The following TRHDE variants were observed in gnomAD, a reference collection of about 807,000 sequenced individuals.
TRHDE encodes the protein thyrotropin-releasing hormone-degrading ectoenzyme.
A neutral mutation model predicts 125.7 loss-of-function variants in TRHDE; 72 were observed. The observed-to-expected ratio is 0.57, with a 90% confidence interval of 0.47 to 0.70. TRHDE has a LOEUF of 0.70. Ranked by LOEUF, TRHDE falls within the 30% of genes least tolerant of loss-of-function variation. The pLI is 0.00. For synonymous variants in TRHDE, 509 were observed against 509.1 expected (o/e 1.00, Z 0.00); for missense variants, 1,110 against 1,327.1 (o/e 0.84, Z 2.54).
chr12:72,348,687 C>T (rs1315930736), intron 2 of TRHDE, among the ~76,000 whole-genome samples: 1 of 151,912 alleles, frequency 6.6e-6, no homozygotes, highest in African/African-American at 2.4e-5. Flanking sequence ...AGTTAATATA[C>T]TATTTTCTTA....
intron 3 of TRHDE, among the ~76,000 whole-genome samples, chr12:72,409,419 C>T (rs894528766): frequency 6.6e-6 from 1 of 152,172 alleles, no homozygotes; most frequent in African/African-American, 2.4e-5. Flanking sequence ...ATCAGTTTTT[C>T]TGGCTTCTTC....
chr12:72,139,210 G>A (rs1189487803), intron 2 of TRHDE, among the ~76,000 whole-genome samples: 2 of 151,882 alleles, frequency 1.3e-5, no homozygotes, highest in African/African-American at 4.8e-5. Context: ...AAATACAAAT[G>A]AAAATGCTGG....
intron 4 of TRHDE, among the ~76,000 whole-genome samples, 177 bp downstream of exon 4, chr12:72,470,089 AC>A (rs1876569902): frequency 6.6e-6 from 1 of 152,214 alleles, no homozygotes; most frequent in South Asian, 2.1e-4. Flanking sequence ...ATAAACAAAA[AC>A]AAACACACTG....
At chr12:72,374,983 A>G (rs766213339) in intron 2 of TRHDE, among the ~76,000 whole-genome samples, 1 of 152,152 alleles carries the variant, frequency 6.6e-6, no homozygotes, top group African/African-American at 2.4e-5. Flanking sequence ...TTATCTGGAA[A>G]CCATAGCTGG....
intron 2 of TRHDE, among the ~76,000 whole-genome samples, chr12:72,299,513 A>G (rs183270589): frequency 3.6e-4 from 55 of 152,324 alleles, no homozygotes; most frequent in African/African-American, 9.4e-4. Context: ...TCTTAAAACC[A>G]TAGAAAAACA....
Position 72,664,263 on chromosome 12 carries a change from CTTGT to C in TRHDE, c.*1075_*1078del, listed in dbSNP as rs572963911. 1.5e-3 allele frequency: 223 copies of C among 152,572 alleles called. No homozygotes were observed. The highest frequency in any genetic ancestry group is 5.2e-3 in the African/African-American group (216 of 41,536). 9.5% of individuals were successfully genotyped at this position (152,572 alleles called of 1,614,324 possible). On this transcript the variant is annotated 3_prime_UTR_variant, in exon 19 of 19. Transcript: ENST00000261180. The stretch of plus-strand genomic sequence containing the variant: ...TGCTGAAAAAGAGTTTATTTTCCAT[CTTGT>C]TTGTTTTCCTACCTTATGCTGAGTA...
intron 3 of TRHDE, among the ~76,000 whole-genome samples, chr12:72,404,591 C>T (rs1442230071): frequency 6.6e-6 from 1 of 152,192 alleles, no homozygotes; most frequent in Non-Finnish European, 1.5e-5. Context: ...AAACATCTTA[C>T]ATGGTGGCTG....
chr12:72,424,849 A>G (rs886239348), intron 3 of TRHDE, among the ~76,000 whole-genome samples: 9 of 152,300 alleles, frequency 5.9e-5, no homozygotes, highest in African/African-American at 1.9e-4. Context: ...AGTATTTAGT[A>G]AAAGAATGCT....
chr12:72,293,756 G>A (rs116822805), intron 2 of TRHDE, among the ~76,000 whole-genome samples: 2,499 of 152,290 alleles, frequency 0.016, 64 homozygotes, highest in African/African-American at 0.057. Context: ...CTGGGAACCT[G>A]TGGCCAATGG....
At chr12:72,586,533 T>G (rs908859207) in intron 12 of TRHDE, among the ~76,000 whole-genome samples, 4 of 152,188 alleles carry the variant, frequency 2.6e-5, no homozygotes, top group African/African-American at 9.7e-5. Flanking sequence ...AACGCTTGCT[T>G]AATGTTAAAG....
chr12:72,294,379 C>T (rs1005905173), intron 2 of TRHDE, among the ~76,000 whole-genome samples: 4 of 151,798 alleles, frequency 2.6e-5, no homozygotes, highest in African/African-American at 4.8e-5. Flanking sequence ...TGGTGGGGGG[C>T]GGTGGGGCGG....
rs938075905 is a variant in TRHDE at position 72,368,494 on chromosome 12, C to G, written c.1189-9501C>G. On this transcript the variant is annotated intron_variant, in intron 2 of 18. Coordinates refer to ENST00000261180, the MANE Select transcript of TRHDE (RefSeq NM_013381.3). Reference sequence around the variant, plus strand: ...CTCATGGGACTCTGACCTTGTTCCGCTGAGTCACCATCTCTTTAGATAGAA... The same window carrying G: ...CTCATGGGACTCTGACCTTGTTCCGGTGAGTCACCATCTCTTTAGATAGAA... Among the ~76,000 whole-genome samples the G allele has an allele frequency of 9.2e-5, 14 of 152,174 alleles. No individual in the cohort carries two copies. The South Asian group carries it at 2.7e-3, about 29-fold the overall frequency.
At chr12:72,628,724 T>G (rs1873360475) in intron 15 of TRHDE, among the ~76,000 whole-genome samples, 1 of 151,912 alleles carries the variant, frequency 6.6e-6, no homozygotes, top group South Asian at 2.1e-4. Flanking sequence ...GAATTTATCC[T>G]ATTGTGAATT....
intron 15 of TRHDE, among the ~76,000 whole-genome samples, chr12:72,651,862 A>G (rs1486740054): frequency 6.6e-6 from 1 of 151,974 alleles, no homozygotes; most frequent in Non-Finnish European, 1.5e-5. Context: ...TGAGAAAATT[A>G]CTGATAGAGA....
chr12:72,312,560 T>C (rs1370384781), intron 2 of TRHDE, among the ~76,000 whole-genome samples: 1 of 152,172 alleles, frequency 6.6e-6, no homozygotes, highest in Non-Finnish European at 1.5e-5. Flanking sequence ...TATGTAACAA[T>C]GTGGTGGGTG....
At chr12:72,335,527 A>G (rs1869792378) in intron 2 of TRHDE, among the ~76,000 whole-genome samples, 1 of 152,016 alleles carries the variant, frequency 6.6e-6, no homozygotes, top group Non-Finnish European at 1.5e-5. Flanking sequence ...ATCTTCCCCC[A>G]CCTCCTGCCA....
Position 72,347,097 on chromosome 12 carries a change from A to C in TRHDE, c.1189-30898A>C, listed in dbSNP as rs536485206. Among the ~76,000 whole-genome samples, 11 of 152,200 alleles carry C rather than the reference A, an allele frequency of 7.2e-5. No individual in the cohort carries two copies. In the East Asian group the frequency reaches 2.1e-3, roughly 30 times the overall value. On this transcript the variant is annotated intron_variant, in intron 2 of 18. Coordinates refer to ENST00000261180, the MANE Select transcript of TRHDE (RefSeq NM_013381.3). Reference sequence around the variant, plus strand: ...ACTCCAATATGACCTCATCTTAATTAATTACATCTGCAATGACTTTATTTC... The same window carrying C: ...ACTCCAATATGACCTCATCTTAATTCATTACATCTGCAATGACTTTATTTC...
At chr12:72,587,843 A>T (rs895568305) in intron 12 of TRHDE, among the ~76,000 whole-genome samples, 8 of 152,170 alleles carry the variant, frequency 5.3e-5, no homozygotes, top group African/African-American at 1.9e-4. Context: ...AGGCAGAAAT[A>T]TGTTCTTAAT....
intron 3 of TRHDE, among the ~76,000 whole-genome samples, chr12:72,460,469 A>T (rs1876075061): frequency 6.6e-6 from 1 of 152,154 alleles, no homozygotes. Flanking sequence ...ATTGGTTTTT[A>T]AGCTCCATGA....
Sources: gnomAD v4.1 joint callset for allele counts (sites outside exome capture counted in the v4.1 genomes callset) on GRCh38, gnomAD v4.1.1 for gene constraint, MANE v1.5 for transcripts, NCBI Gene and HGNC (gene_info 2026-07-23, HGNC 2026-07-21) for gene names.